The following WDR7 variants were observed in gnomAD, a reference collection of about 807,000 sequenced individuals.
WDR7 encodes the protein WD repeat-containing protein 7.
Under a neutral mutation model 169.4 loss-of-function variants are expected in WDR7, and 46 were observed. The observed-to-expected ratio is 0.27, with a 90% CI of 0.21 to 0.35. The LOEUF is 0.35. Ranked by LOEUF, WDR7 falls within the 10% of genes least tolerant of loss-of-function variation. WDR7 has a pLI of 1.00. For synonymous variants in WDR7, 612 were observed against 666.8 expected, an observed-to-expected ratio of 0.92 and a Z score of 1.27; for missense variants, 1,534 against 1,859.3, an observed-to-expected ratio of 0.83 and a Z score of 3.22.
intron 19 of WDR7, among the ~76,000 whole-genome samples, chr18:56,796,689 G>A (rs75122552): frequency 0.074 from 11,190 of 152,062 alleles, 495 homozygotes; most frequent in Middle Eastern, 0.15. Flanking sequence ...AGAAGAAAAA[G>A]ATTTAATACC....
At chr18:56,824,535 CTG>C (rs760712364) in intron 20 of WDR7, among the ~76,000 whole-genome samples, 1 of 152,198 alleles carries the variant, frequency 6.6e-6, no homozygotes, top group Non-Finnish European at 1.5e-5. Flanking sequence ...TCCTTATACA[CTG>C]TGTATTTACT....
intron 25 of WDR7, among the ~76,000 whole-genome samples, chr18:56,940,501 G>A (rs913189079): frequency 5.1e-4 from 77 of 152,278 alleles, no homozygotes; most frequent in African/African-American, 1.7e-3. Flanking sequence ...ATATTTTCTT[G>A]TGATGGGGTT....
At chr18:56,895,276 G>T (rs80116503) in intron 21 of WDR7, among the ~76,000 whole-genome samples, 2,128 of 151,944 alleles carry the variant, frequency 0.014, 31 homozygotes, top group East Asian at 0.037. Context: ...AGTAGAAAAT[G>T]TAAAAAATCA....
At chr18:56,919,124 C>G (rs564794718) in intron 21 of WDR7, among the ~76,000 whole-genome samples, 2 of 152,310 alleles carry the variant, frequency 1.3e-5, no homozygotes, top group Admixed American at 6.5e-5. Flanking sequence ...CTACCCCATT[C>G]AATTCTCCCC....
At chr18:56,758,594 G>T (rs1330696415) in intron 15 of WDR7, among the ~76,000 whole-genome samples, 1 of 152,096 alleles carries the variant, frequency 6.6e-6, no homozygotes, top group Non-Finnish European at 1.5e-5. Context: ...AAGAACAAAG[G>T]GTTAAGTATG....
downstream of WDR7, chr18:57,030,863 A>G (rs1041319363): frequency 7.7e-6 from 1 of 129,372 alleles, no homozygotes; most frequent in Non-Finnish European, 1.6e-5. Context: ...TTAGATGTTC[A>G]GTTCTTTTTG....
At chr18:56,866,603 C>A (rs1001553481) in intron 20 of WDR7, among the ~76,000 whole-genome samples, 1 of 151,676 alleles carries the variant, frequency 6.6e-6, no homozygotes, top group Admixed American at 6.6e-5. Context: ...ATTATTTTTT[C>A]TTTTGCTAAT....
At chr18:56,949,857 A>G (rs2047156585) in intron 25 of WDR7, among the ~76,000 whole-genome samples, 1 of 152,230 alleles carries the variant, frequency 6.6e-6, no homozygotes, top group African/African-American at 2.4e-5. Flanking sequence ...CAATATTAAA[A>G]TAGCACATTT....
At chr18:56,759,475 G>A (rs2043949169) in intron 16 of WDR7, among the ~76,000 whole-genome samples, 1 of 152,086 alleles carries the variant, frequency 6.6e-6, no homozygotes, top group South Asian at 2.1e-4. Context: ...GAGAAGAAAG[G>A]TTGAGTTTCT....
At chr18:56,874,947 G>C (rs1039497347) in intron 20 of WDR7, among the ~76,000 whole-genome samples, 4 of 151,928 alleles carry the variant, frequency 2.6e-5, no homozygotes, top group Admixed American at 1.3e-4. Flanking sequence ...CCTTACATAC[G>C]TTAAGCCACT....
At chr18:56,963,474 A>AGT (rs1042666383) in intron 26 of WDR7, among the ~76,000 whole-genome samples, 1 of 152,138 alleles carries the variant, frequency 6.6e-6, no homozygotes, top group Admixed American at 6.6e-5. Context: ...CTTTCCATGA[A>AGT]GTAGTTCTAA....
At chr18:56,677,883 A>G (rs1232875572) in intron 2 of WDR7, among the ~76,000 whole-genome samples, 1 of 152,092 alleles carries the variant, frequency 6.6e-6, no homozygotes, top group African/African-American at 2.4e-5. Flanking sequence ...CTTTATGACC[A>G]GTAACTCATA....
chr18:56,870,205 G>A (rs2145440086), intron 20 of WDR7, among the ~76,000 whole-genome samples: 1 of 152,218 alleles, frequency 6.6e-6, no homozygotes, highest in East Asian at 1.9e-4. Context: ...TTGTTTTTAA[G>A]ATTTTTTTCC....
chr18:56,985,860 C>G lies in WDR7; in HGVS notation c.4164+23331C>G, dbSNP rs1355908225. ...CTGTTGGTAGAGTGAATAAAATGTA[C>G]ATGTTTCTTAAAGAGAGTTTAAATA... On this transcript the variant is annotated intron_variant, in intron 26 of 27. Transcript: ENST00000254442. 3.9e-5 allele frequency among the ~76,000 whole-genome samples: 6 copies of G among 151,980 alleles called. 1 individual carries two copies. Among genetic ancestry groups the G allele is most frequent in the African/African-American group, 1.4e-4 (6 of 41,456 alleles).
At chr18:56,939,850 G>T (rs1438349457) in intron 25 of WDR7, among the ~76,000 whole-genome samples, 1 of 151,786 alleles carries the variant, frequency 6.6e-6, no homozygotes, top group Non-Finnish European at 1.5e-5. Context: ...TTCCTTATGA[G>T]AAAGCAGGAA....
At chr18:56,932,980 G>A (rs985024598) in intron 22 of WDR7, among the ~76,000 whole-genome samples, 21 of 152,096 alleles carry the variant, frequency 1.4e-4, no homozygotes, top group African/African-American at 4.8e-4. Flanking sequence ...GGATGGAAGC[G>A]AGAACTTAGA....
chr18:57,019,939 A>G (rs1330646721), intron 26 of WDR7, among the ~76,000 whole-genome samples: 1 of 152,258 alleles, frequency 6.6e-6, no homozygotes, highest in East Asian at 1.9e-4. Context: ...AGTTCAGTAC[A>G]GGGAGATTAA....
chr18:56,804,131 A>G (rs533504862), intron 19 of WDR7, among the ~76,000 whole-genome samples: 1 of 152,274 alleles, frequency 6.6e-6, no homozygotes, highest in East Asian at 1.9e-4. Flanking sequence ...ATCACTGTCT[A>G]CTATCTTGTA....
intron 26 of WDR7, among the ~76,000 whole-genome samples, chr18:56,969,223 G>A (rs1263610181): frequency 6.6e-6 from 1 of 152,170 alleles, no homozygotes; most frequent in Non-Finnish European, 1.5e-5. Flanking sequence ...CACAAGTCAT[G>A]TTGCCTCTCC....
Sources: allele counts gnomAD v4.1 joint callset (sites outside exome capture counted in the v4.1 genomes callset), GRCh38; gene constraint gnomAD v4.1.1; transcripts MANE v1.5; gene names NCBI Gene and HGNC (gene_info 2026-07-23, HGNC 2026-07-21).